RALGAPA1: variants seen among roughly 807,000 people sequenced by gnomAD.
RALGAPA1 encodes the protein ral GTPase-activating protein subunit alpha-1.
RALGAPA1 carries 52 observed loss-of-function variants against 269.6 expected under a neutral mutation model. That is an observed-to-expected ratio of 0.19 (90% CI 0.15 to 0.24). RALGAPA1 has a LOEUF of 0.24. Among genes scored for constraint, RALGAPA1 ranks in the 10% least tolerant of loss-of-function variants. The pLI, the probability that RALGAPA1 is intolerant of heterozygous loss-of-function variation, is 1.00. For synonymous variants in RALGAPA1, 817 were observed against 1,008.3 expected (o/e 0.81, Z 3.60); for missense variants, 1,917 against 3,013.9 (o/e 0.64, Z 8.52).
At chr14:35,728,638 A>G in intron 12 of RALGAPA1, 128 bp from the exon 13 acceptor site, 1 of 1,308,612 alleles carries the variant, frequency 7.6e-7, no homozygotes, top group Non-Finnish European at 9.8e-7. Flanking sequence ...ACATAAACTC[A>G]TTAAACCTAC....
chr14:35,745,464 C>A (rs1038917673), intron 10 of RALGAPA1, among the ~76,000 whole-genome samples: 1 of 150,784 alleles, frequency 6.6e-6, no homozygotes, highest in Non-Finnish European at 1.5e-5. Context: ...ATTATCCAGC[C>A]TTTAAAAAGC....
At chr14:35,653,370 A>G (rs568718363) in intron 30 of RALGAPA1, among the ~76,000 whole-genome samples, 5 of 152,352 alleles carry the variant, frequency 3.3e-5, no homozygotes, top group Admixed American at 6.5e-5. Flanking sequence ...GGTTAGGGAG[A>G]GCAGATAGCG....
chr14:35,788,925 T>C (rs1253917817), intron 1 of RALGAPA1, among the ~76,000 whole-genome samples: 3 of 152,164 alleles, frequency 2.0e-5, no homozygotes, highest in Non-Finnish European at 4.4e-5. Context: ...CCCTCAAACC[T>C]AGTATATTCA....
intron 30 of RALGAPA1, among the ~76,000 whole-genome samples, chr14:35,653,221 T>C (rs747965790): frequency 1.3e-5 from 2 of 152,184 alleles, no homozygotes; most frequent in Non-Finnish European, 2.9e-5. Flanking sequence ...AAGGGAATAA[T>C]CTATCTCAAA....
chr14:35,727,818 C>T (rs1034929665), intron 13 of RALGAPA1, among the ~76,000 whole-genome samples: 8 of 152,012 alleles, frequency 5.3e-5, no homozygotes, highest in African/African-American at 9.7e-5. Context: ...GGGACAGTTA[C>T]GGTGACAACA....
chr14:35,579,909 A>G (rs540157389), intron 37 of RALGAPA1, among the ~76,000 whole-genome samples: 84 of 152,258 alleles, frequency 5.5e-4, no homozygotes, highest in South Asian at 2.7e-3. Context: ...TATTCCTTAA[A>G]TTTATTTTTT....
intron 26 of RALGAPA1, among the ~76,000 whole-genome samples, chr14:35,667,172 C>T (rs765460966): frequency 3.3e-5 from 5 of 152,058 alleles, no homozygotes; most frequent in Non-Finnish European, 2.9e-5. Flanking sequence ...GAGGCTGAGG[C>T]GGGCGGATCA....
In RALGAPA1 at chr14:35,685,076, T is replaced by C. The variant is rs768427930; in HGVS notation, c.4147A>G (p.Lys1383Glu). Residue 1383 changes from lysine (K) to glutamate (E), a missense_variant, in exon 20 of 42, where the codon AAG (lysine) becomes GAG (glutamate). Coordinates refer to ENST00000680220, the MANE Select transcript of RALGAPA1 (RefSeq NM_001346249.2). ...TCAATAGGGCGCATCTGGTTCTGCTTGTTTAGAATATCAGGGAGGTCTTTG... is the reference window on the plus strand; with the variant it reads ...TCAATAGGGCGCATCTGGTTCTGCTCGTTTAGAATATCAGGGAGGTCTTTG... ...IPKDLPDILN[K>E]QNQMRPIDDP... The C allele has an allele frequency of 2.5e-6, 4 of 1,587,000 alleles. No individual in the cohort carries two copies. The highest frequency in any genetic ancestry group is 3.4e-6 in the Non-Finnish European group (4 of 1,165,734).
intron 17 of RALGAPA1, among the ~76,000 whole-genome samples, chr14:35,694,888 C>T (rs1384977312): frequency 2.0e-5 from 3 of 151,842 alleles, no homozygotes; most frequent in Non-Finnish European, 4.4e-5. Context: ...ATCAGCCTGG[C>T]CAACATGGTG....
At chr14:35,770,586 G>T (rs1480847961) in intron 4 of RALGAPA1, among the ~76,000 whole-genome samples, 3 of 152,108 alleles carry the variant, frequency 2.0e-5, no homozygotes, top group African/African-American at 7.2e-5. Context: ...CAACACAAAT[G>T]TCCATTCTAT....
chr14:35,798,384 C>T (rs2076729937), intron 1 of RALGAPA1, among the ~76,000 whole-genome samples: 1 of 151,288 alleles, frequency 6.6e-6, no homozygotes, highest in Non-Finnish European at 1.5e-5. Flanking sequence ...GCATTGTTGC[C>T]CAGGCTGGTC....
chr14:35,605,831 A>T, intron 35 of RALGAPA1, 122 bp from the exon 36 acceptor site: 2 of 1,141,504 alleles, frequency 1.8e-6, no homozygotes, highest in Non-Finnish European at 2.4e-6. Context: ...TAGATCTTAT[A>T]GTCTACAGAA....
chr14:35,738,596 C>T lies in RALGAPA1; in HGVS notation c.1504G>A (p.Gly502Ser), dbSNP rs376250965. 156 of 1,613,284 alleles carry T rather than the reference C, an allele frequency of 9.7e-5. 3 individuals are homozygous for T. Among genetic ancestry groups the T allele is most frequent in the South Asian group, 9.7e-4 (88 of 91,008 alleles). Residue 502 changes from glycine to serine, a missense_variant, in exon 12 of 42, where the codon GGC (glycine) becomes AGC (serine). Gly to Ser is a moderately conservative substitution (Grantham distance 56). This residue lies in a region of RALGAPA1 where 462 missense variants were observed against 725.6 expected (regional missense o/e 0.64). Coordinates refer to ENST00000680220, the MANE Select transcript of RALGAPA1 (RefSeq NM_001346249.2). ...HVRNSSWAKN[G>S]SYQGALHNAS... is the part of the protein sequence containing the mutation. ...TTATGAAGAGCACCTTGGTAGGAGC[C>T]GTTTTTTGCCCAACTGGAATTTCGA...
chr14:35,600,795 T>C (rs1205990852), intron 36 of RALGAPA1, among the ~76,000 whole-genome samples: 1 of 152,240 alleles, frequency 6.6e-6, no homozygotes, highest in African/African-American at 2.4e-5. Context: ...TTTTAAATAT[T>C]TGTAATCTTG....
chr14:35,809,003 C>G lies in RALGAPA1; in HGVS notation c.-168G>C, dbSNP rs2077566023. ...ACTCCTTCCCGATCCAGGCCAGGGC[C>G]GCCACCTCCACCCGCCTCGCGCCGC... On this transcript the variant is annotated 5_prime_UTR_variant, in exon 1 of 42. Coordinates refer to ENST00000680220, the MANE Select transcript of RALGAPA1 (RefSeq NM_001346249.2). 1.5e-5 allele frequency: 20 copies of G among 1,330,396 alleles called. No homozygotes were observed. Among genetic ancestry groups the G allele is most frequent in the Non-Finnish European group, 1.9e-5 (19 of 1,007,428 alleles). The allele number at this position is 1,330,396 out of a possible 1,614,324, so 82.4% of individuals were successfully genotyped here.
chr14:35,711,024 G>A (rs138848488), intron 16 of RALGAPA1, among the ~76,000 whole-genome samples: 2 of 152,262 alleles, frequency 1.3e-5, no homozygotes, highest in East Asian at 3.9e-4. Flanking sequence ...TAAATGACAC[G>A]ACTGCATAAT....
chr14:35,753,941 G>C (rs1003053458), intron 7 of RALGAPA1, among the ~76,000 whole-genome samples: 1 of 152,082 alleles, frequency 6.6e-6, no homozygotes, highest in African/African-American at 2.4e-5. Flanking sequence ...TGAAATTTCT[G>C]TAAGAAAGGG....
intron 1 of RALGAPA1, among the ~76,000 whole-genome samples, chr14:35,799,780 A>G (rs955694104): frequency 2.0e-5 from 3 of 152,148 alleles, no homozygotes; most frequent in Non-Finnish European, 4.4e-5. Context: ...AACTATCCAA[A>G]CATCTCAATT....
chr14:35,572,667 T>C lies in RALGAPA1; in HGVS notation c.7261A>G (p.Arg2421Gly). The stretch of plus-strand genomic sequence containing the variant: ...GGAATAATTCCTCTCCTGTAGTCTC[T>C]AGTATGCTCTGACCAAACAATGTGC... ...EVHIVWSEHT[R>G]DYRRGIIPTE... Residue 2421 changes from arginine (R) to glycine (G), a missense_variant, in exon 38 of 42, where the codon AGA (arginine) becomes GGA (glycine). Arg to Gly is a moderately radical substitution (Grantham distance 125, BLOSUM62 -2). Transcript: ENST00000680220. 1 of 1,609,078 alleles carries C rather than the reference T, an allele frequency of 6.2e-7. No homozygotes were observed. Among genetic ancestry groups the C allele is most frequent in the Non-Finnish European group, 8.5e-7 (1 of 1,177,632 alleles).
Sources: allele counts gnomAD v4.1 joint callset (sites outside exome capture counted in the v4.1 genomes callset), GRCh38; gene constraint gnomAD v4.1.1; regional missense constraint gnomAD v4.1.1; transcripts MANE v1.5; gene names NCBI Gene and HGNC (gene_info 2026-07-23, HGNC 2026-07-21).